SLC25A21: variants seen among roughly 807,000 people sequenced by gnomAD.
SLC25A21 encodes mitochondrial 2-oxodicarboxylate carrier.
SLC25A21 carries 47 observed loss-of-function variants against 43.8 expected under a neutral mutation model. The observed-to-expected ratio is 1.07, with a 90% CI of 0.85 to 1.37. The LOEUF (loss-of-function observed/expected upper bound fraction) is 1.37, where lower values mean the gene tolerates loss of function less well. Among genes scored for constraint, SLC25A21 ranks in the 40% most tolerant of loss-of-function variants. The probability of loss-of-function intolerance (pLI) is 0.00; values close to 1 mark genes in which losing one functional copy is unlikely to be tolerated. For synonymous variants in SLC25A21, 131 were observed against 121.3 expected (o/e 1.08, Z -0.52); for missense variants, 352 against 350.2 (o/e 1.00, Z -0.04).
At chr14:36,876,577 C>A (rs1407615736) in intron 1 of SLC25A21, among the ~76,000 whole-genome samples, 2 of 135,554 alleles carry the variant, frequency 1.5e-5, no homozygotes, top group African/African-American at 5.1e-5. Flanking sequence ...GTAGCATGAG[C>A]AGAAATCTTC....
intron 1 of SLC25A21, among the ~76,000 whole-genome samples, chr14:36,995,196 C>G (rs1308891430): frequency 6.6e-6 from 1 of 152,164 alleles, no homozygotes; most frequent in African/African-American, 2.4e-5. Flanking sequence ...ATCTTAGGAT[C>G]ATCAAAATGT....
At chr14:36,970,478 A>C (rs1283671657) in intron 1 of SLC25A21, among the ~76,000 whole-genome samples, 1 of 152,238 alleles carries the variant, frequency 6.6e-6, no homozygotes, top group Non-Finnish European at 1.5e-5. Flanking sequence ...TATTTTAATT[A>C]CTAGTATAAT....
intron 2 of SLC25A21, among the ~76,000 whole-genome samples, chr14:36,830,403 A>G (rs1888994295): frequency 6.6e-6 from 1 of 152,166 alleles, no homozygotes; most frequent in Admixed American, 6.5e-5. Context: ...GTCTAACCTA[A>G]GGTGTAACAA....
intron 1 of SLC25A21, among the ~76,000 whole-genome samples, chr14:37,003,155 T>C (rs1236144859): frequency 6.6e-6 from 1 of 152,204 alleles, no homozygotes. Flanking sequence ...GTTTAATTTA[T>C]AAATTAGGCA....
At chr14:36,683,767 CAA>C in intron 9 of SLC25A21, 59 bp downstream of exon 9, 1 of 1,237,084 alleles carries the variant, frequency 8.1e-7, no homozygotes, top group Non-Finnish European at 1.1e-6. Context: ...ACACAAATAT[CAA>C]AAAAAGAGAC....
intron 7 of SLC25A21, among the ~76,000 whole-genome samples, chr14:36,708,551 C>T (rs1883677925): frequency 6.6e-6 from 1 of 152,148 alleles, no homozygotes; most frequent in Admixed American, 6.5e-5. Flanking sequence ...AATCTTTCCA[C>T]CTCAGCCTTG....
chr14:36,679,658 T>C lies in SLC25A21; in HGVS notation c.*1000A>G, dbSNP rs529731239. On this transcript the variant is annotated 3_prime_UTR_variant, in exon 10 of 10. Coordinates refer to ENST00000331299, the MANE Select transcript of SLC25A21 (RefSeq NM_030631.4). The stretch of plus-strand genomic sequence containing the variant: ...TACATATTTTAATACTGCAGACAGC[T>C]GACTTCCCACCTGAAGTTGTCGTTT... The C allele has an allele frequency of 9.1e-6, 9 of 985,330 alleles. No homozygotes were observed. In the South Asian group the frequency reaches 3.3e-4, roughly 36 times the overall value. The allele number at this position is 985,330 out of a possible 1,614,324, so 61.0% of individuals were successfully genotyped here.
chr14:36,679,511 C>A lies in SLC25A21; in HGVS notation c.*1147G>T. ...ACTGAATCAGCATCATCTCTGGATG[C>A]AGATATAAAATCAAGTTTGGTTACA... On this transcript the variant is annotated 3_prime_UTR_variant, in exon 10 of 10. Transcript: ENST00000331299. 2.0e-6 allele frequency: 2 copies of A among 985,348 alleles called. No individual in the cohort carries two copies. Among genetic ancestry groups the A allele is most frequent in the Non-Finnish European group, 1.2e-6 (1 of 829,912 alleles). The allele number at this position is 985,348 out of a possible 1,614,324, so 61.0% of individuals were successfully genotyped here. A position where few individuals can be genotyped will look rare whatever the true frequency, so the allele number is the denominator to read the frequency against.
At position 36,956,111 on chromosome 14, in the gene SLC25A21, A is replaced by G. The variant is rs967749816; in HGVS notation, c.71-81107T>C. On this transcript the variant is annotated intron_variant, in intron 1 of 9. Coordinates refer to ENST00000331299, the MANE Select transcript of SLC25A21 (RefSeq NM_030631.4). ...TATACGTATTATTTATGTTGGGAGT[A>G]GCTTTCTAAATGTCACCCAAATGAA... Among the ~76,000 whole-genome samples, 7 of 152,282 alleles carry G rather than the reference A, an allele frequency of 4.6e-5. No individual in the cohort carries two copies. The East Asian group carries it at 9.6e-4, about 21-fold the overall frequency.
intron 1 of SLC25A21, among the ~76,000 whole-genome samples, chr14:37,141,288 T>A (rs1389537247): frequency 1.3e-5 from 2 of 152,126 alleles, no homozygotes; most frequent in African/African-American, 2.4e-5. Context: ...AAAAGCTGAA[T>A]ACCATAATGA....
intron 3 of SLC25A21, among the ~76,000 whole-genome samples, chr14:36,755,749 CT>C (rs2139268473): frequency 6.6e-6 from 1 of 152,212 alleles, no homozygotes; most frequent in South Asian, 2.1e-4. Flanking sequence ...CATTACTTGC[CT>C]TTTGTACTTA....
At chr14:37,110,826 C>A (rs1963005838) in intron 1 of SLC25A21, among the ~76,000 whole-genome samples, 1 of 152,144 alleles carries the variant, frequency 6.6e-6, no homozygotes, top group African/African-American at 2.4e-5. Flanking sequence ...ACTTTTCTTA[C>A]CTGTTACTTG....
At chr14:36,753,919 CAGAGAGAGAGAGAGAGAGAGAGAG>C (rs56871881) in intron 3 of SLC25A21, among the ~76,000 whole-genome samples, 1 of 129,990 alleles carries the variant, frequency 7.7e-6, no homozygotes, top group African/African-American at 2.7e-5. Flanking sequence ...TCACTGGGGA[CAGAGAGAGAGAGAGAGAGAGAGAG>C]AGAGAGAGAG....
At chr14:37,021,774 C>G (rs539957608) in intron 1 of SLC25A21, among the ~76,000 whole-genome samples, 1 of 151,866 alleles carries the variant, frequency 6.6e-6, no homozygotes, top group South Asian at 2.1e-4. Flanking sequence ...TGTTGTCTTC[C>G]CCAGTAACTA....
At chr14:37,004,494 G>A (rs897220611) in intron 1 of SLC25A21, among the ~76,000 whole-genome samples, 1 of 152,216 alleles carries the variant, frequency 6.6e-6, no homozygotes, top group African/African-American at 2.4e-5. Flanking sequence ...GTGAAAAGAT[G>A]TAATTCATGG....
intron 1 of SLC25A21, among the ~76,000 whole-genome samples, chr14:36,876,896 T>TATAGATAG (rs71449955): frequency 0.13 from 18,576 of 138,172 alleles, 1,325 homozygotes; most frequent in African/African-American, 0.18. Context: ...ATGATGGGAT[T>TATAGATAG]ATAGATAGAT....
At chr14:36,798,113 G>A (rs1051978071) in intron 3 of SLC25A21, among the ~76,000 whole-genome samples, 14 of 152,170 alleles carry the variant, frequency 9.2e-5, no homozygotes, top group African/African-American at 1.7e-4. Flanking sequence ...TAGTCTGTGC[G>A]TTGTTAGCGC....
At chr14:36,781,041 C>T (rs1887038562) in intron 3 of SLC25A21, among the ~76,000 whole-genome samples, 1 of 152,016 alleles carries the variant, frequency 6.6e-6, no homozygotes, top group Non-Finnish European at 1.5e-5. Flanking sequence ...GTGTTATATT[C>T]TTTTGAGGAA....
chr14:36,982,714 T>C (rs909361954), intron 1 of SLC25A21, among the ~76,000 whole-genome samples: 11 of 151,886 alleles, frequency 7.2e-5, no homozygotes, highest in African/African-American at 2.7e-4. Flanking sequence ...ACTCTGGGGG[T>C]GAGATGGGAG....
Sources: allele counts gnomAD v4.1 joint callset (sites outside exome capture counted in the v4.1 genomes callset), GRCh38; gene constraint gnomAD v4.1.1; transcripts MANE v1.5; gene names NCBI Gene and HGNC (gene_info 2026-07-23, HGNC 2026-07-21).